Variants in TMEM242 observed in about 807,000 individuals in gnomAD.
TMEM242 encodes transmembrane protein 242.
TMEM242 carries 10 observed loss-of-function variants against 18.2 expected under a neutral mutation model. That is an observed-to-expected ratio of 0.55 (90% CI 0.34 to 0.93). TMEM242 has a LOEUF of 0.93. TMEM242 is among the 40% of genes least tolerant of loss of function. The probability of loss-of-function intolerance (pLI) is 0.02; values close to 1 mark genes in which losing one functional copy is unlikely to be tolerated. For synonymous variants in TMEM242, 57 were observed against 69.9 expected (o/e 0.81, Z 0.92); for missense variants, 186 against 175.5 (o/e 1.06, Z -0.34).
At chr6:157,313,459 C>G (rs1778276268) in intron 3 of TMEM242, among the ~76,000 whole-genome samples, 2 of 151,910 alleles carry the variant, frequency 1.3e-5, no homozygotes, top group African/African-American at 2.4e-5. Flanking sequence ...CTGCGCTCAC[C>G]TGGCCTCATC....
At chr6:157,296,285 C>A (rs1030553725) in intron 3 of TMEM242, among the ~76,000 whole-genome samples, 1 of 152,182 alleles carries the variant, frequency 6.6e-6, no homozygotes, top group African/African-American at 2.4e-5. Context: ...GTAGTTCTCT[C>A]TTCTTTCCTC....
At chr6:157,314,191 A>C in intron 3 of TMEM242, among the ~76,000 whole-genome samples, 2 of 152,038 alleles carry the variant, frequency 1.3e-5, no homozygotes, top group Non-Finnish European at 2.9e-5. Context: ...ATAGTGTCCC[A>C]GTGTGCGCTC....
intron 3 of TMEM242, among the ~76,000 whole-genome samples, chr6:157,294,764 T>C (rs782045922): frequency 5.3e-5 from 8 of 152,248 alleles, no homozygotes; most frequent in Admixed American, 1.3e-4. Flanking sequence ...ATTTAGGGGT[T>C]TGGGACTTGT....
rs987233688 is a variant in TMEM242, at chr6:157,292,774, T to C, written c.*127A>G. The C allele has an allele frequency of 1.4e-6, 1 of 723,832 alleles. No individual in the cohort carries two copies. The allele number at this position is 723,832 out of a possible 1,614,324, so 44.8% of individuals were successfully genotyped here. A position where few individuals can be genotyped will look rare whatever the true frequency, so the allele number is the denominator to read the frequency against. On this transcript the variant is annotated 3_prime_UTR_variant, in exon 4 of 4. Coordinates refer to ENST00000400788, the MANE Select transcript of TMEM242 (RefSeq NM_018452.6). ...TGTGATGAGGCTGAATGCTATCCAG[T>C]GCACTGGTTCAGTCAGCAATCTGCC...
In TMEM242 at chr6:157,289,028, C is replaced by T. The variant is rs934665224; in HGVS notation, c.*3873G>A. On this transcript the variant is annotated 3_prime_UTR_variant, in exon 4 of 4. Coordinates refer to ENST00000400788, the MANE Select transcript of TMEM242 (RefSeq NM_018452.6). ...TTAAGAATGAGCTTTATCCTTATGT[C>T]TTTAAGTACATTTAATACATTCACC... is the stretch of plus-strand genomic sequence containing the variant. Among the ~76,000 whole-genome samples, 4 of 147,510 alleles carry T rather than the reference C, an allele frequency of 2.7e-5. No homozygotes were observed. The highest frequency in any genetic ancestry group is 4.4e-5 in the Non-Finnish European group (3 of 67,428).
chr6:157,312,698 C>A (rs797037965), intron 3 of TMEM242, among the ~76,000 whole-genome samples: 3 of 83,486 alleles, frequency 3.6e-5, no homozygotes, highest in East Asian at 1.1e-3. Context: ...CATAGTGTCC[C>A]AGTGTGCGCT....
At chr6:157,296,563 G>A (rs991953174) in intron 3 of TMEM242, among the ~76,000 whole-genome samples, 3 of 152,216 alleles carry the variant, frequency 2.0e-5, no homozygotes, top group African/African-American at 7.2e-5. Flanking sequence ...CACGCCTGTA[G>A]CCCCAGCTAC....
chr6:157,305,465 G>A lies in TMEM242; in HGVS notation c.328-12466C>T, dbSNP rs959331362. Among the ~76,000 whole-genome samples the A allele has an allele frequency of 7.2e-4, 109 of 152,258 alleles. No individual in the cohort carries two copies. The highest frequency in any genetic ancestry group is 3.4e-3 in the Middle Eastern group (1 of 294). On this transcript the variant is annotated intron_variant, in intron 3 of 3. Transcript: ENST00000400788. This position sits in a 1 kb window ranked among gnomAD's most constrained non-coding sequence, Gnocchi z 4.1. Reference sequence around the variant, plus strand: ...GGTCATGTGACACGCCTATGAGGGCGTGTCATATTGTGAGGGCACACAATA... The same window carrying A: ...GGTCATGTGACACGCCTATGAGGGCATGTCATATTGTGAGGGCACACAATA...
Position 157,311,477 on chromosome 6 carries a change from C to T in TMEM242, c.327+7305G>A, listed in dbSNP as rs1393031759. On this transcript the variant is annotated intron_variant, in intron 3 of 3. Transcript: ENST00000400788. ...GCAATCACCTGGCCTCATCATAGTGCCCCAGTGAGCACTCACCTAGCCTCA... is the reference window on the plus strand; with the variant it reads ...GCAATCACCTGGCCTCATCATAGTGTCCCAGTGAGCACTCACCTAGCCTCA... Among the ~76,000 whole-genome samples, 747 of 79,742 alleles carry T rather than the reference C, an allele frequency of 9.4e-3. 3 individuals are homozygous for T. The highest frequency in any genetic ancestry group is 0.035 in the East Asian group (64 of 1,820). 52.3% of individuals were successfully genotyped at this position (79,742 alleles called of 152,430 possible).
chr6:157,322,827 AG>A, intron 1 of TMEM242, 22 bp from the exon 2 acceptor site: 1 of 1,587,508 alleles, frequency 6.3e-7, no homozygotes. Flanking sequence ...TTCGGGGAGG[AG>A]GGGGGATATT....
chr6:157,315,398 A>G (rs144529844), intron 3 of TMEM242, among the ~76,000 whole-genome samples: 3 of 152,354 alleles, frequency 2.0e-5, no homozygotes, highest in Non-Finnish European at 2.9e-5. Context: ...CCTTTAAAAG[A>G]TATGACCTTG....
At chr6:157,314,071 G>T (rs1778325081) in intron 3 of TMEM242, among the ~76,000 whole-genome samples, 1 of 92,682 alleles carries the variant, frequency 1.1e-5, no homozygotes, top group Admixed American at 1.2e-4. Context: ...CGCTCACCCG[G>T]CCTCATCATA....
chr6:157,293,337 C>A (rs1777708838), intron 3 of TMEM242, among the ~76,000 whole-genome samples: 2 of 148,952 alleles, frequency 1.3e-5, no homozygotes, highest in South Asian at 4.3e-4. Flanking sequence ...GGCAACACAG[C>A]AAGACTCTAT....
rs979288198 is a variant in TMEM242, at chr6:157,305,082, T to C, written c.328-12083A>G. On this transcript the variant is annotated intron_variant, in intron 3 of 3. Transcript: ENST00000400788. This position sits in a 1 kb window ranked among gnomAD's most constrained non-coding sequence, Gnocchi z 4.1. ...AAGGGTTTTAAATAAGGAAGTAGCA[T>C]GATCTGACTCACATTTTTAAAATAT... 1.3e-5 allele frequency among the ~76,000 whole-genome samples: 2 copies of C among 152,144 alleles called. No individual in the cohort carries two copies. Among genetic ancestry groups the C allele is most frequent in the Non-Finnish European group, 2.9e-5 (2 of 68,028 alleles).
chr6:157,322,903 T>A (rs1554250831), intron 1 of TMEM242, 98 bp from the exon 2 acceptor site: 8 of 999,022 alleles, frequency 8.0e-6, no homozygotes, highest in Non-Finnish European at 8.9e-6. Context: ...ACTATTCGAG[T>A]TACAATCAAA....
At chr6:157,298,399 T>C (rs1777779797) in intron 3 of TMEM242, among the ~76,000 whole-genome samples, 1 of 152,240 alleles carries the variant, frequency 6.6e-6, no homozygotes, top group South Asian at 2.1e-4. Context: ...TCTGAATTAC[T>C]GCGTTAAACA....
intron 3 of TMEM242, among the ~76,000 whole-genome samples, chr6:157,312,055 T>TGAGCACTCACCTAGCCTCAGCATAGTGC (rs1778148138): frequency 2.5e-4 from 3 of 12,004 alleles, no homozygotes; most frequent in Admixed American, 1.4e-3. Flanking sequence ...CATCATAGTG[T>TGAGCACTCACCTAGCCTCAGCATAGTGC]CCCAGTGTGC....
At chr6:157,311,577 T>C (rs1167299487) in intron 3 of TMEM242, among the ~76,000 whole-genome samples, 26 of 136,460 alleles carry the variant, frequency 1.9e-4, no homozygotes, top group African/African-American at 6.8e-4. Context: ...CTCAACATAG[T>C]GCCCTAGTGT....
At chr6:157,295,165 T>A (rs1170314735) in intron 3 of TMEM242, among the ~76,000 whole-genome samples, 1 of 152,242 alleles carries the variant, frequency 6.6e-6, no homozygotes, top group African/African-American at 2.4e-5. Context: ...CACTGGAAGA[T>A]ACGTAAGGTC....
Sources: allele counts gnomAD v4.1 joint callset (sites outside exome capture counted in the v4.1 genomes callset), GRCh38; gene constraint gnomAD v4.1.1; non-coding constraint Gnocchi (gnomAD v3.1); transcripts MANE v1.5; gene names NCBI Gene and HGNC (gene_info 2026-07-23, HGNC 2026-07-21).